Variants in OR8B2 observed in about 807,000 individuals in gnomAD.
The protein encoded by OR8B2 is olfactory receptor 8B2.
For missense variants in OR8B2, 304 were observed against 379.6 expected (o/e 0.80, Z 1.65); for synonymous variants, 98 against 138.2 (o/e 0.71, Z 2.04).
At chr11:124,395,052 G>A in the OR8B2 span, among the ~76,000 whole-genome samples, 2 of 151,526 alleles carry the variant, frequency 1.3e-5, no homozygotes, top group Non-Finnish European at 2.9e-5. Flanking sequence ...GTGTGTGCCT[G>A]TACTCCCAGC....
chr11:124,393,209 G>A, the OR8B2 span, among the ~76,000 whole-genome samples: 1 of 146,568 alleles, frequency 6.8e-6, no homozygotes, highest in Non-Finnish European at 1.5e-5. Context: ...CATGGGCAAG[G>A]ACTTCATGTC....
the OR8B2 span, chr11:124,396,642 G>T: frequency 8.7e-6 from 14 of 1,611,234 alleles, no homozygotes; most frequent in South Asian, 1.1e-5. Flanking sequence ...AGTACTGAAG[G>T]CTTTTGATCT....
At chr11:124,391,587 G>C in the OR8B2 span, among the ~76,000 whole-genome samples, 1 of 152,122 alleles carries the variant, frequency 6.6e-6, no homozygotes, top group Non-Finnish European at 1.5e-5. Flanking sequence ...TCTCTGAATA[G>C]ACCAATAACA....
chr11:124,396,038 C>A, the OR8B2 span: 1 of 168,082 alleles, frequency 5.9e-6, no homozygotes, highest in Non-Finnish European at 1.3e-5. Flanking sequence ...AATAAGAATG[C>A]TTCTATCATA....
chr11:124,395,454 A>G, the OR8B2 span: 4 of 152,214 alleles, frequency 2.6e-5, no homozygotes, highest in African/African-American at 9.6e-5. Flanking sequence ...ATAAAGTTTA[A>G]GTAGGCTCAC....
upstream of OR8B2, among the ~76,000 whole-genome samples, chr11:124,386,693 T>C (rs1320974395): frequency 3.9e-5 from 6 of 151,958 alleles, no homozygotes; most frequent in African/African-American, 1.5e-4. Flanking sequence ...GTCTTTGCTA[T>C]TGTGAATAGT....
chr11:124,390,543 G>C, the OR8B2 span, among the ~76,000 whole-genome samples: 1 of 152,090 alleles, frequency 6.6e-6, no homozygotes, highest in South Asian at 2.1e-4. Flanking sequence ...GCCATCCTTG[G>C]CTTGAGACCC....
chr11:124,388,593 A>G (rs565775128), upstream of OR8B2, among the ~76,000 whole-genome samples: 3 of 152,294 alleles, frequency 2.0e-5, no homozygotes, highest in East Asian at 5.8e-4. Context: ...TATTCTGCTC[A>G]GAGTTGATGA....
At chr11:124,396,772 C>T in the OR8B2 span, 1 of 1,613,662 alleles carries the variant, frequency 6.2e-7, no homozygotes, top group South Asian at 1.1e-5. Context: ...ACCTCGTTGA[C>T]ATAGGTGCTG....
the OR8B2 span, chr11:124,396,349 A>G: frequency 6.5e-6 from 9 of 1,388,152 alleles, no homozygotes; most frequent in Non-Finnish European, 8.8e-6. Context: ...AAATCTCTTC[A>G]TGGAACACAC....
chr11:124,383,726 A>G (rs913438733), intron 1 of OR8B2, among the ~76,000 whole-genome samples: 4 of 152,068 alleles, frequency 2.6e-5, no homozygotes, highest in Middle Eastern at 3.2e-3. Flanking sequence ...AGACACTTCA[A>G]TTTCCCTGTG....
At chr11:124,383,500 C>T (rs1187777942) in intron 1 of OR8B2, 140 bp from the exon 2 acceptor site, 4 of 744,882 alleles carry the variant, frequency 5.4e-6, no homozygotes, top group East Asian at 5.3e-5. Flanking sequence ...TGTACTGCCA[C>T]TCCCACTCCT....
At chr11:124,385,824 G>A (rs1860690579), upstream of OR8B2, among the ~76,000 whole-genome samples, 1 of 151,526 alleles carries the variant, frequency 6.6e-6, no homozygotes, top group Admixed American at 6.6e-5. Context: ...AGGGATAGGG[G>A]GTCTCACTAT....
chr11:124,392,378 C>A, the OR8B2 span, among the ~76,000 whole-genome samples: 3 of 122,006 alleles, frequency 2.5e-5, no homozygotes, highest in Non-Finnish European at 3.3e-5. Flanking sequence ...TGTCTCAGCC[C>A]AAAATCTCCT....
the OR8B2 span, among the ~76,000 whole-genome samples, chr11:124,392,834 G>A: frequency 6.6e-6 from 1 of 150,536 alleles, no homozygotes; most frequent in African/African-American, 2.5e-5. Context: ...GAACAAAGCT[G>A]GAGGCATCAC....
At position 124,383,139 on chromosome 11, in the gene OR8B2, T is replaced by G; in HGVS notation, c.205A>C (p.Ile69Leu). ...AAAACAGAGGAGTAACAGAGATCAA[T>G]GAAGGAGAGATTGAAGAGGAAATAG... ...MYYFLFNLSF[I>L]DLCYSSVFTP... The change falls in exon 2 of 2, where the codon ATT (isoleucine) becomes CTT (leucine). Residue 69 changes from isoleucine to leucine, a missense_variant. Coordinates refer to ENST00000641451, the MANE Select transcript of OR8B2 (RefSeq NM_001005468.2). 6.2e-7 allele frequency: 1 copy of G among 1,613,860 alleles called. No homozygotes were observed. Among genetic ancestry groups the G allele is most frequent in the Non-Finnish European group, 8.5e-7 (1 of 1,179,830 alleles).
chr11:124,384,011 G>T (rs917289046), intron 1 of OR8B2, among the ~76,000 whole-genome samples: 1 of 151,986 alleles, frequency 6.6e-6, no homozygotes, highest in Admixed American at 6.6e-5. Flanking sequence ...TTGTAGGAAG[G>T]CATAAGGGAA....
the OR8B2 span, among the ~76,000 whole-genome samples, chr11:124,391,524 A>G: frequency 6.6e-6 from 1 of 152,118 alleles, no homozygotes. Context: ...GAAGAAATGG[A>G]TAAATTCCTC....
the OR8B2 span, among the ~76,000 whole-genome samples, chr11:124,393,140 A>T: frequency 1.4e-5 from 2 of 147,408 alleles, no homozygotes; most frequent in African/African-American, 5.4e-5. Context: ...CTTAAACATT[A>T]GACCTAAAAC....
Sources: gnomAD v4.1 joint callset for allele counts (sites outside exome capture counted in the v4.1 genomes callset) on GRCh38, gnomAD v4.1.1 for gene constraint, MANE v1.5 for transcripts, NCBI Gene and HGNC (gene_info 2026-07-23, HGNC 2026-07-21) for gene names.